The following TSPAN9 variants were observed in gnomAD, a reference collection of about 807,000 sequenced individuals.
The protein encoded by TSPAN9 is tetraspanin 9.
A neutral mutation model predicts 31.0 loss-of-function variants in TSPAN9; 16 were observed. The observed-to-expected ratio is 0.52, with a 90% CI of 0.35 to 0.78. The LOEUF (loss-of-function observed/expected upper bound fraction) is 0.78. TSPAN9 is among the 30% of genes least tolerant of loss of function. The probability of loss-of-function intolerance (pLI) is 0.01; values close to 1 mark genes in which losing one functional copy is unlikely to be tolerated. For synonymous variants in TSPAN9, 145 were observed against 121.6 expected (o/e 1.19, Z -1.27); for missense variants, 272 against 312.5 (o/e 0.87, Z 0.98).
At chr12:3,210,284 G>C (rs543003604) in intron 3 of TSPAN9, among the ~76,000 whole-genome samples, 1 of 152,172 alleles carries the variant, frequency 6.6e-6, no homozygotes, top group Non-Finnish European at 1.5e-5. Context: ...ATGCCAGATT[G>C]TTTTCCAGTG....
intron 2 of TSPAN9, among the ~76,000 whole-genome samples, chr12:3,137,686 G>C (rs966356439): frequency 6.6e-6 from 1 of 152,166 alleles, no homozygotes; most frequent in African/African-American, 2.4e-5. Flanking sequence ...TGTGCTCCTG[G>C]CAGTAGGTTT....
At chr12:3,219,054 G>T (rs1346421709) in intron 3 of TSPAN9, among the ~76,000 whole-genome samples, 2 of 152,204 alleles carry the variant, frequency 1.3e-5, no homozygotes, top group East Asian at 3.9e-4. Flanking sequence ...CCCAAATACA[G>T]AGCGATGTGC....
At chr12:3,261,263 C>A (rs1186345578) in intron 3 of TSPAN9, among the ~76,000 whole-genome samples, 1 of 152,182 alleles carries the variant, frequency 6.6e-6, no homozygotes, top group South Asian at 2.1e-4. Context: ...TGTTCTTGTT[C>A]TAAGAGCTTT....
At chr12:3,283,024 G>T (rs778384562) in intron 8 of TSPAN9, 21 bp from the exon 9 acceptor site, 3 of 1,605,866 alleles carry the variant, frequency 1.9e-6, no homozygotes, top group South Asian at 2.2e-5. Flanking sequence ...CCTGCCTCAG[G>T]CCCCTCCCCG....
rs1369344027 is a variant in TSPAN9 at position 3,170,826 on chromosome 12, C to T, written c.-17-30351C>T. 6.6e-6 allele frequency among the ~76,000 whole-genome samples: 1 copy of T among 152,138 alleles called. No homozygotes were observed. Among genetic ancestry groups the T allele is most frequent in the Admixed American group, 6.5e-5 (1 of 15,274 alleles). On this transcript the variant is annotated intron_variant, in intron 2 of 8. Transcript: ENST00000011898. The surrounding 1 kb of genome is among the most constrained non-coding windows in gnomAD (Gnocchi z 4.4). ...GGTCCACCATCACCTCGTTTTCTGCCGGGCAGGGACTCCTGGGTTGGCGCT... is the reference window on the plus strand; with the variant it reads ...GGTCCACCATCACCTCGTTTTCTGCTGGGCAGGGACTCCTGGGTTGGCGCT...
rs1324768007 is a variant in TSPAN9 at position 3,174,749 on chromosome 12, A to T, written c.-17-26428A>T. On this transcript the variant is annotated intron_variant, in intron 2 of 8. Transcript: ENST00000011898. ...AGGCGCCCACCACCGCGCCCGGCTA[A>T]TTTTTTGTATTTTTAGTAGAGACGG... 1.6e-5 allele frequency among the ~76,000 whole-genome samples: 2 copies of T among 124,036 alleles called. 1 individual carries two copies. Among genetic ancestry groups the T allele is most frequent in the East Asian group, 5.4e-4 (2 of 3,696 alleles). The allele number at this position is 124,036 out of a possible 152,430, so 81.4% of individuals were successfully genotyped here. A position where few individuals can be genotyped will look rare whatever the true frequency, so the allele number is the denominator to read the frequency against.
chr12:3,089,365 T>C (rs1281630187), intron 2 of TSPAN9, among the ~76,000 whole-genome samples: 75 of 148,556 alleles, frequency 5.0e-4, no homozygotes, highest in African/African-American at 1.7e-3. Context: ...GGCGTGATCT[T>C]GGCTCACTGC....
At chr12:3,225,673 C>T (rs1464676592) in intron 3 of TSPAN9, among the ~76,000 whole-genome samples, 2 of 152,100 alleles carry the variant, frequency 1.3e-5, no homozygotes, top group Admixed American at 6.6e-5. Context: ...GCAGACGGCC[C>T]CCCGCCCTCC....
At chr12:3,248,315 T>C (rs1862179914) in intron 3 of TSPAN9, among the ~76,000 whole-genome samples, 2 of 152,212 alleles carry the variant, frequency 1.3e-5, no homozygotes, top group Non-Finnish European at 2.9e-5. Context: ...GGGATAGACA[T>C]GGGATAGAGT....
intron 2 of TSPAN9, among the ~76,000 whole-genome samples, chr12:3,162,166 C>T (rs1286212578): frequency 6.6e-6 from 1 of 152,222 alleles, no homozygotes; most frequent in African/African-American, 2.4e-5. Flanking sequence ...CCTCCCCCCA[C>T]TGTCTTGCTT....
At chr12:3,198,710 ACCACCAGCACAGCTCAC>A (rs2098369101) in intron 2 of TSPAN9, among the ~76,000 whole-genome samples, 1 of 10,532 alleles carries the variant, frequency 9.5e-5, no homozygotes, top group Admixed American at 1.0e-3. Flanking sequence ...AGCACAGGCC[ACCACCAGCACAGCTCAC>A]CACCAGCACA....
rs769370543 is a variant in TSPAN9, at chr12:3,201,192, A to G, written c.-2A>G. 6.2e-6 allele frequency: 10 copies of G among 1,614,154 alleles called. No individual in the cohort carries two copies. The highest frequency in any genetic ancestry group is 4.5e-5 in the East Asian group (2 of 44,872). The stretch of plus-strand genomic sequence containing the variant: ...TTCCTCCTAGAATTTAAGAAGTGCA[A>G]CATGGCCAGGGGCTGCCTCTGCTGC... On this transcript the variant is annotated 5_prime_UTR_variant, in exon 3 of 9. Transcript: ENST00000011898.
chr12:3,143,079 G>C lies in TSPAN9; in HGVS notation c.-17-58098G>C, dbSNP rs1172551148. The stretch of plus-strand genomic sequence containing the variant: ...GTTAGACTGAGGTTCTTTGTCTTTG[G>C]AGAGACCACTGTGGCATGGTGACGT... On this transcript the variant is annotated intron_variant, in intron 2 of 8. Coordinates refer to ENST00000011898, the MANE Select transcript of TSPAN9 (RefSeq NM_006675.5). This position sits in a 1 kb window ranked among gnomAD's most constrained non-coding sequence, Gnocchi z 4.2. 6.6e-6 allele frequency among the ~76,000 whole-genome samples: 1 copy of C among 151,960 alleles called. No homozygotes were observed. The highest frequency in any genetic ancestry group is 1.5e-5 in the Non-Finnish European group (1 of 68,006).
At chr12:3,131,523 G>A (rs1208101780) in intron 2 of TSPAN9, among the ~76,000 whole-genome samples, 6 of 152,182 alleles carry the variant, frequency 3.9e-5, no homozygotes, top group Non-Finnish European at 1.5e-5. Context: ...GCTGTTGTGG[G>A]TATGAAGTGA....
At chr12:3,154,043 T>C (rs1364882466) in intron 2 of TSPAN9, among the ~76,000 whole-genome samples, 1 of 151,172 alleles carries the variant, frequency 6.6e-6, no homozygotes, top group African/African-American at 2.4e-5. Context: ...TGTGTGTGTC[T>C]GTGGATGTAT....
chr12:3,182,028 G>A (rs1233084561), intron 2 of TSPAN9, among the ~76,000 whole-genome samples: 1 of 152,004 alleles, frequency 6.6e-6, no homozygotes, highest in Non-Finnish European at 1.5e-5. Flanking sequence ...GGGGCTTTGA[G>A]GTCTTTGGAG....
At chr12:3,243,744 T>C (rs2098397864) in intron 3 of TSPAN9, among the ~76,000 whole-genome samples, 1 of 152,128 alleles carries the variant, frequency 6.6e-6, no homozygotes, top group Non-Finnish European at 1.5e-5. Flanking sequence ...AGGAGGGCCA[T>C]GTAGGCCCCA....
At chr12:3,124,146 G>A (rs1364821595) in intron 2 of TSPAN9, among the ~76,000 whole-genome samples, 1 of 152,166 alleles carries the variant, frequency 6.6e-6, no homozygotes, top group African/African-American at 2.4e-5. Context: ...CGCACAGAAC[G>A]GATTTATCTG....
chr12:3,166,492 C>T (rs1016062698), intron 2 of TSPAN9, among the ~76,000 whole-genome samples: 1 of 152,140 alleles, frequency 6.6e-6, no homozygotes, highest in Non-Finnish European at 1.5e-5. Flanking sequence ...TATAGATGAT[C>T]AGTGATTTAT....
Sources: allele counts gnomAD v4.1 joint callset (sites outside exome capture counted in the v4.1 genomes callset), GRCh38; gene constraint gnomAD v4.1.1; non-coding constraint Gnocchi (gnomAD v3.1); transcripts MANE v1.5; gene names NCBI Gene and HGNC (gene_info 2026-07-23, HGNC 2026-07-21).